KCNN3: variants seen among roughly 807,000 people sequenced by gnomAD.
The protein encoded by KCNN3 is small conductance calcium-activated potassium channel protein 3.
KCNN3 carries 16 observed loss-of-function variants against 62.9 expected under a neutral mutation model. The ratio of observed to expected loss-of-function variants is 0.25; its 90% CI spans 0.17 to 0.39. The LOEUF (loss-of-function observed/expected upper bound fraction) is 0.39, where lower values mean the gene tolerates loss of function less well. Ranked by LOEUF, KCNN3 falls within the 10% of genes least tolerant of loss-of-function variation. The pLI is 1.00. For synonymous variants in KCNN3, 370 were observed against 389.2 expected (o/e 0.95, Z 0.58); for missense variants, 599 against 949.4 (o/e 0.63, Z 4.85).
intron 1 of KCNN3, among the ~76,000 whole-genome samples, chr1:154,855,113 G>T (rs1652467678): frequency 6.6e-6 from 1 of 152,122 alleles, no homozygotes; most frequent in Non-Finnish European, 1.5e-5. Flanking sequence ...AGGTACTCAG[G>T]AGGCTGAGGC....
At chr1:154,760,295 A>C (rs900552271) in intron 3 of KCNN3, among the ~76,000 whole-genome samples, 11 of 151,534 alleles carry the variant, frequency 7.3e-5, no homozygotes, top group Non-Finnish European at 8.8e-5. Context: ...ACGAATGAGC[A>C]GTTTAAGTGT....
rs191149594 is a variant in KCNN3, at chr1:154,849,378, C to A, written c.933+19654G>T. Among the ~76,000 whole-genome samples the A allele has an allele frequency of 3.0e-3, 462 of 152,328 alleles. 1 individual carries two copies. The highest frequency in any genetic ancestry group is 4.8e-3 in the Non-Finnish European group (329 of 68,032). On this transcript the variant is annotated intron_variant, in intron 1 of 7. Transcript: ENST00000271915. ...ATGGGGGTTCCTGGGCAATGCCCCC[C>A]AAGGCTATTATTCAGTGCTGGACTA...
intron 3 of KCNN3, among the ~76,000 whole-genome samples, chr1:154,764,238 T>G (rs138712140): frequency 3.9e-5 from 6 of 152,356 alleles, no homozygotes; most frequent in African/African-American, 1.4e-4. Context: ...TTTCATACTT[T>G]GTATTGAAAT....
intron 1 of KCNN3, among the ~76,000 whole-genome samples, chr1:154,835,101 G>C (rs979334191): frequency 3.9e-5 from 6 of 152,148 alleles, no homozygotes; most frequent in Non-Finnish European, 7.3e-5. Flanking sequence ...TATTCAATGA[G>C]ACTAAAAAAT....
intron 3 of KCNN3, among the ~76,000 whole-genome samples, chr1:154,741,392 T>C (rs751484113): frequency 2.6e-5 from 4 of 152,246 alleles, no homozygotes; most frequent in Non-Finnish European, 4.4e-5. Flanking sequence ...AGGGGCTCAC[T>C]AAAATACTTG....
rs1006473639 is a variant in KCNN3 at position 154,698,478 on chromosome 1, A to T, written c.*9498T>A. ...ATTATGAAAGTGTCACCATGGGGGC[A>T]GGGAGCTAGAGAGATTTAGTTGGTT... On this transcript the variant is annotated 3_prime_UTR_variant, in exon 8 of 8. Transcript: ENST00000271915. 1.3e-5 allele frequency: 2 copies of T among 152,228 alleles called. No homozygotes were observed. Among genetic ancestry groups the T allele is most frequent in the African/African-American group, 4.8e-5 (2 of 41,444 alleles). The allele number at this position is 152,228 out of a possible 1,614,324, so 9.4% of individuals were successfully genotyped here.
chr1:154,780,194 C>CTTTTTTTTTTTTTTTT (rs71077969), intron 2 of KCNN3, among the ~76,000 whole-genome samples: 134 of 101,820 alleles, frequency 1.3e-3, no homozygotes, highest in Middle Eastern at 5.1e-3. Context: ...TTCTTTTTTT[C>CTTTTTTTTTTTTTTTT]TTTTTTTTTT....
intron 1 of KCNN3, among the ~76,000 whole-genome samples, chr1:154,823,675 C>T (rs1461036017): frequency 6.6e-6 from 1 of 152,126 alleles, no homozygotes; most frequent in East Asian, 1.9e-4. Flanking sequence ...CTTAAGACAA[C>T]AAGGTAAGGT....
chr1:154,716,063 C>T (rs1700228126), intron 5 of KCNN3, among the ~76,000 whole-genome samples: 1 of 152,188 alleles, frequency 6.6e-6, no homozygotes, highest in African/African-American at 2.4e-5. Flanking sequence ...CTTCCTCTTC[C>T]CCAGGGCTGG....
chr1:154,787,794 A>G (rs1204823526), intron 2 of KCNN3, among the ~76,000 whole-genome samples: 1 of 152,028 alleles, frequency 6.6e-6, no homozygotes, highest in African/African-American at 2.4e-5. Flanking sequence ...GGATATCCAG[A>G]CGCCCAGAGT....
chr1:154,718,125 A>C (rs1262310698), intron 5 of KCNN3, among the ~76,000 whole-genome samples: 1 of 152,200 alleles, frequency 6.6e-6, no homozygotes, highest in Non-Finnish European at 1.5e-5. Context: ...GAAAGCAGCA[A>C]GCCAGAAAGA....
At chr1:154,799,178 A>G (rs1297453286) in intron 2 of KCNN3, among the ~76,000 whole-genome samples, 1 of 152,174 alleles carries the variant, frequency 6.6e-6, no homozygotes, top group Non-Finnish European at 1.5e-5. Flanking sequence ...CAGTCTCCCA[A>G]AGTGCTGGGA....
At chr1:154,867,945 C>T (rs1159415152) in intron 1 of KCNN3, 1 of 985,040 alleles carries the variant, frequency 1.0e-6, no homozygotes, top group Non-Finnish European at 1.2e-6. Context: ...CGGCAGAAAC[C>T]CACCTTCCTC....
intron 1 of KCNN3, among the ~76,000 whole-genome samples, chr1:154,857,086 T>A (rs1250771115): frequency 6.6e-6 from 1 of 152,148 alleles, no homozygotes; most frequent in Non-Finnish European, 1.5e-5. Flanking sequence ...GCCTGTGAGC[T>A]CCATGTCTAT....
intron 3 of KCNN3, among the ~76,000 whole-genome samples, chr1:154,734,364 A>C (rs1700664957): frequency 6.6e-6 from 1 of 152,342 alleles, no homozygotes; most frequent in South Asian, 2.1e-4. Flanking sequence ...GACCAAACCT[A>C]CTAGGCTGGA....
chr1:154,715,224 G>A (rs982521060), intron 5 of KCNN3, among the ~76,000 whole-genome samples: 2 of 152,118 alleles, frequency 1.3e-5, no homozygotes, highest in East Asian at 3.9e-4. Context: ...GATCACCTGA[G>A]GTCAGGAGTT....
chr1:154,851,679 C>A (rs1652304460), intron 1 of KCNN3, among the ~76,000 whole-genome samples: 1 of 152,160 alleles, frequency 6.6e-6, no homozygotes, highest in Non-Finnish European at 1.5e-5. Flanking sequence ...GCCCAAGGGT[C>A]CAGCCACTTT....
chr1:154,797,521 A>G (rs1649782582), intron 2 of KCNN3, among the ~76,000 whole-genome samples: 1 of 152,138 alleles, frequency 6.6e-6, no homozygotes, highest in African/African-American at 2.4e-5. Flanking sequence ...ATGACCCCCC[A>G]TCACTGCCAC....
At chr1:154,731,469 A>G (rs570378814) in intron 4 of KCNN3, among the ~76,000 whole-genome samples, 2 of 152,322 alleles carry the variant, frequency 1.3e-5, no homozygotes, top group South Asian at 4.1e-4. Context: ...GACTGCCCCA[A>G]GCCTGGGTCT....
Sources: gnomAD v4.1 joint callset for allele counts (sites outside exome capture counted in the v4.1 genomes callset) on GRCh38, gnomAD v4.1.1 for gene constraint, MANE v1.5 for transcripts, NCBI Gene and HGNC (gene_info 2026-07-23, HGNC 2026-07-21) for gene names.